C1orf94: variants seen among roughly 807,000 people sequenced by gnomAD.
C1orf94 encodes the protein chromosome 1 open reading frame 94.
Under a neutral mutation model 53.6 loss-of-function variants are expected in C1orf94, and 45 were observed. The ratio of observed to expected loss-of-function variants is 0.84; its 90% CI spans 0.66 to 1.08. C1orf94 has a LOEUF of 1.08. Among genes scored for constraint, C1orf94 ranks in the 50% least tolerant of loss-of-function variants. The pLI is 0.00. For missense variants in C1orf94, 762 were observed against 738.9 expected, an observed-to-expected ratio of 1.03 and a Z score of -0.36; for synonymous variants, 304 against 296.1, an observed-to-expected ratio of 1.03 and a Z score of -0.27.
Position 34,197,997 on chromosome 1 carries a change from A to C in C1orf94, c.1009+84A>C, listed in dbSNP as rs1642631361. On this transcript the variant is annotated intron_variant, in intron 2 of 6. Coordinates refer to ENST00000488417, the MANE Select transcript of C1orf94 (RefSeq NM_001134734.2). The surrounding 1 kb of genome is among the most constrained non-coding windows in gnomAD (Gnocchi z 4.1). ...AGCCAATCAGGGCTGCAGCATGTAC[A>C]TAAAGCATCTTCATGCAAAGCAAGA... is the stretch of plus-strand genomic sequence containing the variant. 1.7e-5 allele frequency: 23 copies of C among 1,352,814 alleles called. No homozygotes were observed. In the South Asian group the frequency reaches 3.1e-4, roughly 18 times the overall value. 83.8% of individuals were successfully genotyped at this position (1,352,814 alleles called of 1,614,324 possible). A position where few individuals can be genotyped will look rare whatever the true frequency, so the allele number is the denominator to read the frequency against.
chr1:34,173,958 G>A (rs186523473), upstream of C1orf94, among the ~76,000 whole-genome samples: 12 of 152,238 alleles, frequency 7.9e-5, no homozygotes, highest in Non-Finnish European at 1.6e-4. Context: ...ATGTTGGATG[G>A]AAACTGGAAT....
intron 6 of C1orf94, among the ~76,000 whole-genome samples, chr1:34,216,745 C>T (rs892801604): frequency 4.6e-5 from 7 of 152,102 alleles, no homozygotes; most frequent in Non-Finnish European, 8.8e-5. Flanking sequence ...ATTTATCTTC[C>T]AAGCAATAAT....
intron 1 of C1orf94, among the ~76,000 whole-genome samples, chr1:34,191,609 C>G (rs1215500368): frequency 6.6e-6 from 1 of 152,224 alleles, no homozygotes; most frequent in Non-Finnish European, 1.5e-5. Flanking sequence ...CAGAGCCCTC[C>G]ACTTCACTCT....
In C1orf94 at chr1:34,177,976, G is replaced by A. The variant is rs1642255593; in HGVS notation, c.187G>A (p.Asp63Asn). The change falls in exon 1 of 7, where the codon GAC becomes AAC. Residue 63 changes from aspartate to asparagine, a missense_variant. Transcript: ENST00000488417. ...CCAGGACACACCCCAAGACAGCCTAGACAAGACTTGCCATGAAATCTGGAA... is the reference window on the plus strand; with the variant it reads ...CCAGGACACACCCCAAGACAGCCTAAACAAGACTTGCCATGAAATCTGGAA... ...IHQDTPQDSL[D>N]KTCHEIWKRV... 1 of 1,551,624 alleles carries A rather than the reference G, an allele frequency of 6.4e-7. No homozygotes were observed.
At chr1:34,180,940 G>A (rs1055351111) in intron 1 of C1orf94, among the ~76,000 whole-genome samples, 4 of 152,030 alleles carry the variant, frequency 2.6e-5, no homozygotes, top group African/African-American at 4.8e-5. Context: ...TCCGCTGCTC[G>A]AATCCCCTCC....
chr1:34,178,318 C>A (rs917510145), intron 1 of C1orf94, among the ~76,000 whole-genome samples: 1 of 152,160 alleles, frequency 6.6e-6, no homozygotes, highest in Non-Finnish European at 1.5e-5. Flanking sequence ...GGGCTATATT[C>A]CAGGCTGCCT....
At chr1:34,195,594 G>C (rs1038482410) in intron 1 of C1orf94, among the ~76,000 whole-genome samples, 1 of 152,030 alleles carries the variant, frequency 6.6e-6, no homozygotes, top group African/African-American at 2.4e-5. Flanking sequence ...AGCACCCTGG[G>C]CTACCAAGTC....
Position 34,210,962 on chromosome 1 carries a change from A to AT in C1orf94, c.1525-1237dup, listed in dbSNP as rs35011326. ...CCAACGCACCCAGCCCCCTTTGTGG[A>AT]TTTTTTTTTTTAGATAAGGGTGTAT... is the stretch of plus-strand genomic sequence containing the variant. On this transcript the variant is annotated intron_variant, in intron 5 of 6. Coordinates refer to ENST00000488417, the MANE Select transcript of C1orf94 (RefSeq NM_001134734.2). 6.9e-3 allele frequency among the ~76,000 whole-genome samples: 1,023 copies of AT among 147,284 alleles called. 14 individuals are homozygous for AT. Among genetic ancestry groups the AT allele is most frequent in the African/African-American group, 0.023 (921 of 40,402 alleles).
At chr1:34,195,898 C>T (rs1642571562) in intron 1 of C1orf94, among the ~76,000 whole-genome samples, 1 of 152,138 alleles carries the variant, frequency 6.6e-6, no homozygotes, top group African/African-American at 2.4e-5. Flanking sequence ...ATCATGCCCT[C>T]TGAGAGGCTG....
intron 6 of C1orf94, among the ~76,000 whole-genome samples, chr1:34,216,934 G>T (rs151329220): frequency 0.013 from 1,966 of 152,180 alleles, 38 homozygotes; most frequent in African/African-American, 0.045. Flanking sequence ...CAAAAAATTA[G>T]CCAGGTGTGA....
chr1:34,169,066 G>T (rs188047478), intron 1 of C1orf94, among the ~76,000 whole-genome samples: 3 of 152,170 alleles, frequency 2.0e-5, no homozygotes, highest in African/African-American at 4.8e-5. Context: ...ATGAAAGGTA[G>T]GTTTTCATTT....
upstream of C1orf94, among the ~76,000 whole-genome samples, chr1:34,176,361 C>T (rs886362264): frequency 5.3e-5 from 8 of 152,140 alleles, no homozygotes; most frequent in Admixed American, 5.2e-4. Flanking sequence ...AAGTCTCCCT[C>T]AGCAGAGGTA....
chr1:34,202,572 T>C (rs1295686479), intron 4 of C1orf94, among the ~76,000 whole-genome samples: 3 of 152,234 alleles, frequency 2.0e-5, no homozygotes, highest in Non-Finnish European at 4.4e-5. Flanking sequence ...CACTGTGCTC[T>C]TTATTGCAGA....
chr1:34,213,794 G>A (rs1047909749), intron 6 of C1orf94, among the ~76,000 whole-genome samples: 1 of 152,116 alleles, frequency 6.6e-6, no homozygotes, highest in African/African-American at 2.4e-5. Flanking sequence ...GCCTGCCTCA[G>A]CCTCCCAAAG....
At chr1:34,209,285 AACACACACACAC>A (rs59376155) in intron 5 of C1orf94, among the ~76,000 whole-genome samples, 16 of 143,724 alleles carry the variant, frequency 1.1e-4, no homozygotes, top group Middle Eastern at 3.5e-3. Context: ...GAGAAATGCA[AACACACACACAC>A]ACACACACAC....
At chr1:34,187,310 A>G (rs886669151) in intron 1 of C1orf94, among the ~76,000 whole-genome samples, 1 of 152,160 alleles carries the variant, frequency 6.6e-6, no homozygotes, top group Non-Finnish European at 1.5e-5. Flanking sequence ...TAAGAGTTTG[A>G]TGTGGCTTCA....
intron 6 of C1orf94, among the ~76,000 whole-genome samples, chr1:34,214,573 C>G (rs1184691875): frequency 6.6e-6 from 1 of 152,184 alleles, no homozygotes; most frequent in African/African-American, 2.4e-5. Context: ...TGCTGTGACT[C>G]TGGGCTCTGG....
chr1:34,201,977 C>A, intron 3 of C1orf94, 107 bp from the exon 4 acceptor site: 1 of 1,135,446 alleles, frequency 8.8e-7, no homozygotes. Flanking sequence ...GCTTAAAGGA[C>A]CTGACCTGTG....
rs768202401 is a variant in C1orf94 at position 34,212,237 on chromosome 1, G to C, written c.1552G>C (p.Gly518Arg). The change falls in exon 6 of 7, where the codon GGA (glycine) becomes CGA (arginine). Residue 518 changes from glycine (G) to arginine (R), a missense_variant. Physicochemically the swap from Gly to Arg is moderately radical, Grantham distance 125. Coordinates refer to ENST00000488417, the MANE Select transcript of C1orf94 (RefSeq NM_001134734.2). ...QVMPYNPQQMGQQIFRSSYTP... is the reference protein window; with the variant it reads ...QVMPYNPQQMRQQIFRSSYTP... ...GATGCCATACAACCCACAGCAGATG[G>C]GACAGCAGATCTTCCGCTCTTCCTA... 3.7e-6 allele frequency: 6 copies of C among 1,612,394 alleles called. No homozygotes were observed. Among genetic ancestry groups the C allele is most frequent in the Non-Finnish European group, 5.1e-6 (6 of 1,179,234 alleles).
Sources: allele counts gnomAD v4.1 joint callset (sites outside exome capture counted in the v4.1 genomes callset), GRCh38; gene constraint gnomAD v4.1.1; non-coding constraint Gnocchi (gnomAD v3.1); transcripts MANE v1.5; gene names NCBI Gene and HGNC (gene_info 2026-07-23, HGNC 2026-07-21).